Variants in GRIA2 observed in about 807,000 individuals in gnomAD.
The protein encoded by GRIA2 is glutamate ionotropic receptor AMPA type subunit 2.
A neutral mutation model predicts 97.3 loss-of-function variants in GRIA2; 14 were observed. That is an observed-to-expected ratio of 0.14 (90% confidence interval 0.10 to 0.23). GRIA2 has a LOEUF of 0.23. GRIA2 is among the 10% of genes least tolerant of loss of function. GRIA2 has a pLI of 1.00. For missense variants in GRIA2, 558 were observed against 1,069.8 expected (o/e 0.52, Z 6.67); for synonymous variants, 412 against 387.8 (o/e 1.06, Z -0.73).
chr4:157,289,687 C>T (rs1276823538), intron 2 of GRIA2, among the ~76,000 whole-genome samples: 2 of 151,710 alleles, frequency 1.3e-5, no homozygotes, highest in Admixed American at 1.3e-4. Flanking sequence ...AATAAAGTTT[C>T]TTGATGGATT....
chr4:157,260,744 G>A (rs1417336312), intron 2 of GRIA2, among the ~76,000 whole-genome samples: 1 of 152,020 alleles, frequency 6.6e-6, no homozygotes, highest in Non-Finnish European at 1.5e-5. Context: ...AGGAGCCCTT[G>A]TCACATTCAT....
intron 3 of GRIA2, 116 bp downstream of exon 3, chr4:157,303,907 T>A: frequency 9.4e-7 from 1 of 1,064,148 alleles, no homozygotes; most frequent in Non-Finnish European, 1.4e-6. Context: ...TCCCTTGGTT[T>A]AATTTTGCTG....
chr4:157,251,687 G>A (rs1435470050), intron 2 of GRIA2, among the ~76,000 whole-genome samples: 1 of 152,122 alleles, frequency 6.6e-6, no homozygotes, highest in African/African-American at 2.4e-5. Flanking sequence ...AGAGATGAAT[G>A]TTCTTCCAAT....
chr4:157,319,004 T>C (rs916805867), intron 5 of GRIA2, among the ~76,000 whole-genome samples: 7 of 152,200 alleles, frequency 4.6e-5, no homozygotes, highest in African/African-American at 1.7e-4. Flanking sequence ...GAATTTAGAA[T>C]ATGAAATCTC....
intron 2 of GRIA2, among the ~76,000 whole-genome samples, chr4:157,272,294 C>A (rs1438201885): frequency 6.6e-6 from 1 of 152,006 alleles, no homozygotes; most frequent in Admixed American, 6.6e-5. Flanking sequence ...AAGTAAAAAT[C>A]TGAACAGACA....
At chr4:157,273,528 G>A (rs184123245) in intron 2 of GRIA2, among the ~76,000 whole-genome samples, 184 of 152,090 alleles carry the variant, frequency 1.2e-3, no homozygotes, top group African/African-American at 4.2e-3. Context: ...AGCATAGATA[G>A]AAATTCTAAG....
intron 2 of GRIA2, among the ~76,000 whole-genome samples, chr4:157,292,472 A>C (rs1056229451): frequency 1.3e-5 from 2 of 152,066 alleles, no homozygotes; most frequent in African/African-American, 4.8e-5. Flanking sequence ...AGAATGGGAA[A>C]TCCTTGTTAC....
chr4:157,247,566 T>A (rs1024782460), intron 2 of GRIA2, among the ~76,000 whole-genome samples: 1 of 104,410 alleles, frequency 9.6e-6, no homozygotes, highest in Non-Finnish European at 2.1e-5. Context: ...TGTCACATTA[T>A]TCCAGGACTG....
chr4:157,331,588 A>G (rs758895673), intron 6 of GRIA2, among the ~76,000 whole-genome samples: 6 of 152,004 alleles, frequency 3.9e-5, no homozygotes, highest in Non-Finnish European at 8.8e-5. Flanking sequence ...TGAAGCAGAT[A>G]TATCTTGATG....
intron 12 of GRIA2, among the ~76,000 whole-genome samples, chr4:157,355,386 G>A (rs1350091179): frequency 4.0e-5 from 6 of 151,580 alleles, no homozygotes; most frequent in Non-Finnish European, 8.8e-5. Context: ...AAATTAGCCA[G>A]GCGTGGTGGC....
intron 2 of GRIA2, among the ~76,000 whole-genome samples, chr4:157,253,377 G>T (rs547039419): frequency 1.3e-5 from 2 of 151,878 alleles, no homozygotes; most frequent in Admixed American, 6.6e-5. Flanking sequence ...TTGGCCTCCC[G>T]AAGTGCTGGG....
In GRIA2 at chr4:157,350,806, T is replaced by C. The variant is rs192428696; in HGVS notation, c.2044-9090T>C. On this transcript the variant is annotated intron_variant, in intron 12 of 15. Coordinates refer to ENST00000264426, the MANE Select transcript of GRIA2 (RefSeq NM_001083619.3). ...TTGCTTGCCTTAATTTGAAGTTTAC[T>C]GAAAACCTGGTTGATTTTAATGAAT... 7.2e-5 allele frequency among the ~76,000 whole-genome samples: 11 copies of C among 152,268 alleles called. No individual in the cohort carries two copies. The East Asian group carries it at 1.9e-3, about 27-fold the overall frequency.
intron 12 of GRIA2, chr4:157,342,142 G>T (rs920342111): frequency 1.0e-6 from 1 of 964,814 alleles, no homozygotes; most frequent in Non-Finnish European, 1.2e-6. Context: ...CTATGAAAAT[G>T]TTTAAATACA....
intron 6 of GRIA2, among the ~76,000 whole-genome samples, chr4:157,324,227 T>A (rs769279365): frequency 1.3e-5 from 2 of 152,186 alleles, no homozygotes; most frequent in Non-Finnish European, 2.9e-5. Context: ...CCCAGAGGCA[T>A]ATTTTATGAG....
intron 2 of GRIA2, among the ~76,000 whole-genome samples, chr4:157,279,931 C>A (rs535536049): frequency 2.0e-5 from 3 of 152,186 alleles, no homozygotes; most frequent in African/African-American, 7.2e-5. Context: ...TCAAGACCAG[C>A]CTGACCAATA....
At position 157,288,557 on chromosome 4, in the gene GRIA2, A is replaced by T. The variant is rs917680380; in HGVS notation, c.230-14995A>T. ...CCACCTCCAATCCTGGACTTTATTT[A>T]TTTATTTATTTACCACAACACATAT... On this transcript the variant is annotated intron_variant, in intron 2 of 15. Transcript: ENST00000264426. 7.9e-5 allele frequency among the ~76,000 whole-genome samples: 12 copies of T among 151,782 alleles called. 1 individual carries two copies. The highest frequency in any genetic ancestry group is 4.6e-4 in the Admixed American group (7 of 15,174).
At chr4:157,260,740 C>G (rs1423180324) in intron 2 of GRIA2, among the ~76,000 whole-genome samples, 1 of 151,932 alleles carries the variant, frequency 6.6e-6, no homozygotes, top group Admixed American at 6.6e-5. Flanking sequence ...TAACAGGAGC[C>G]CTTGTCACAT....
At chr4:157,267,284 C>T (rs957226802) in intron 2 of GRIA2, among the ~76,000 whole-genome samples, 24 of 147,986 alleles carry the variant, frequency 1.6e-4, no homozygotes, top group African/African-American at 5.0e-4. Context: ...ATTAACCAGG[C>T]ATAGTGGTGC....
Position 157,264,631 on chromosome 4 carries a change from G to T in GRIA2, c.230-38921G>T, listed in dbSNP as rs1221176813. ...TCACAGGTTTTGGGAATTAGGACAT[G>T]GGGGACCATTTATTCTACCCACCAC... On this transcript the variant is annotated intron_variant, in intron 2 of 15. Transcript: ENST00000264426. Among the ~76,000 whole-genome samples, 5 of 152,064 alleles carry T rather than the reference G, an allele frequency of 3.3e-5. No individual in the cohort carries two copies. In the East Asian group the frequency reaches 9.7e-4, roughly 30 times the overall value.
Sources: allele counts gnomAD v4.1 joint callset (sites outside exome capture counted in the v4.1 genomes callset), GRCh38; gene constraint gnomAD v4.1.1; transcripts MANE v1.5; gene names NCBI Gene and HGNC (gene_info 2026-07-23, HGNC 2026-07-21).